The following ZNG1B variants were observed in gnomAD, a reference collection of about 807,000 sequenced individuals.
The protein encoded by ZNG1B is zinc-regulated GTPase metalloprotein activator 1B.
the ZNG1B span, chr2:113,495,249 G>C: frequency 5.9e-6 from 9 of 1,513,568 alleles, no homozygotes; most frequent in Non-Finnish European, 8.0e-6. Context: ...GGTCCTCCTT[G>C]GTAAGTCTGA....
chr2:113,476,386 T>G, the ZNG1B span, among the ~76,000 whole-genome samples: 1 of 150,438 alleles, frequency 6.6e-6, no homozygotes, highest in Non-Finnish European at 1.5e-5. Context: ...TAGTTATACA[T>G]TCTTCTAAAT....
the ZNG1B span, among the ~76,000 whole-genome samples, chr2:113,458,256 A>C: frequency 3.3e-5 from 5 of 152,132 alleles, no homozygotes; most frequent in Admixed American, 3.3e-4. Flanking sequence ...GAAGACATTG[A>C]TTTTGTACTT....
the ZNG1B span, among the ~76,000 whole-genome samples, chr2:113,473,093 C>T: frequency 1.5e-4 from 22 of 149,802 alleles, no homozygotes; most frequent in East Asian, 3.5e-3. Flanking sequence ...GCCATTTTCA[C>T]GATATTGATT....
chr2:113,453,939 C>T, the ZNG1B span, among the ~76,000 whole-genome samples: 2 of 152,122 alleles, frequency 1.3e-5, no homozygotes, highest in Non-Finnish European at 2.9e-5. Flanking sequence ...CACTTTTGGG[C>T]AGTGATATGC....
the ZNG1B span, among the ~76,000 whole-genome samples, chr2:113,467,066 A>G: frequency 1.3e-5 from 2 of 149,002 alleles, no homozygotes; most frequent in African/African-American, 2.5e-5. Context: ...TCTGTCTCAA[A>G]AAAAAAAAAA....
the ZNG1B span, among the ~76,000 whole-genome samples, chr2:113,459,897 G>A: frequency 2.2e-5 from 3 of 138,328 alleles, no homozygotes; most frequent in South Asian, 7.2e-4. Context: ...ACAGGATTAT[G>A]AGGGGGAAAA....
chr2:113,460,549 A>G, the ZNG1B span: 4 of 1,387,162 alleles, frequency 2.9e-6, no homozygotes, highest in Non-Finnish European at 3.9e-6. Context: ...TTGTGTATTC[A>G]GTAACAGAAC....
chr2:113,480,395 T>C, the ZNG1B span, among the ~76,000 whole-genome samples: 1 of 150,432 alleles, frequency 6.6e-6, no homozygotes, highest in African/African-American at 2.4e-5. Context: ...ATTCTCCTAC[T>C]TGGCCTCTCA....
the ZNG1B span, among the ~76,000 whole-genome samples, chr2:113,450,881 G>A: frequency 4.3e-4 from 62 of 145,202 alleles, no homozygotes; most frequent in South Asian, 9.1e-4. Flanking sequence ...AAAGAGAAGG[G>A]AAAAGTGGTG....
At chr2:113,450,717 G>A in the ZNG1B span, among the ~76,000 whole-genome samples, 1 of 146,472 alleles carries the variant, frequency 6.8e-6, no homozygotes, top group Non-Finnish European at 1.5e-5. Flanking sequence ...CTTTTTGTCA[G>A]GCTGTAATAC....
At chr2:113,477,212 A>G in the ZNG1B span, among the ~76,000 whole-genome samples, 5,531 of 149,742 alleles carry the variant, frequency 0.037, no homozygotes, top group African/African-American at 0.071. Context: ...GCGGGATATA[A>G]TCTCGTGGTG....
chr2:113,456,042 C>A, the ZNG1B span, among the ~76,000 whole-genome samples: 1 of 151,366 alleles, frequency 6.6e-6, no homozygotes, highest in African/African-American at 2.4e-5. Context: ...TTTAAGTTTG[C>A]TTTTTTTTCC....
chr2:113,472,932 T>C, the ZNG1B span, among the ~76,000 whole-genome samples: 1 of 151,262 alleles, frequency 6.6e-6, no homozygotes. Flanking sequence ...TGCCTCCAGC[T>C]TTGTTCTTTT....
At chr2:113,438,003 A>G in the ZNG1B span, 819 of 1,611,928 alleles carry the variant, frequency 5.1e-4, 4 homozygotes, top group African/African-American at 9.7e-3. Flanking sequence ...TCCCAGTCAC[A>G]ATTATCACCG....
the ZNG1B span, among the ~76,000 whole-genome samples, chr2:113,438,179 C>T: frequency 6.6e-6 from 1 of 152,098 alleles, no homozygotes. Context: ...TATGGGTTGC[C>T]TCTCATCTTG....
the ZNG1B span, among the ~76,000 whole-genome samples, chr2:113,458,954 G>A: frequency 1.6e-3 from 237 of 150,184 alleles, no homozygotes; most frequent in African/African-American, 5.5e-3. Flanking sequence ...CCCACAACAG[G>A]AGGTGTTAAT....
chr2:113,473,189 A>G, the ZNG1B span, among the ~76,000 whole-genome samples: 1 of 151,822 alleles, frequency 6.6e-6, no homozygotes, highest in African/African-American at 2.4e-5. Flanking sequence ...TTCTCCTTGA[A>G]GAGGTCCTTC....
At chr2:113,478,169 G>C in the ZNG1B span, among the ~76,000 whole-genome samples, 1 of 152,196 alleles carries the variant, frequency 6.6e-6, no homozygotes, top group African/African-American at 2.4e-5. Context: ...AAATGGACAT[G>C]TCTCTGGGTA....
chr2:113,450,156 A>T, the ZNG1B span, among the ~76,000 whole-genome samples: 1 of 151,140 alleles, frequency 6.6e-6, no homozygotes, highest in African/African-American at 2.4e-5. Flanking sequence ...TGTCACTTAT[A>T]ATCATTTTTC....
Sources: gnomAD v4.1 joint callset for allele counts (sites outside exome capture counted in the v4.1 genomes callset) on GRCh38, gnomAD v4.1.1 for gene constraint, MANE v1.5 for transcripts, NCBI Gene and HGNC (gene_info 2026-07-23, HGNC 2026-07-21) for gene names.